CDH15: variants seen among roughly 807,000 people sequenced by gnomAD.
CDH15 encodes the protein cadherin-15.
CDH15 carries 73 observed loss-of-function variants against 69.4 expected under a neutral mutation model. The observed-to-expected ratio is 1.05, with a 90% CI of 0.87 to 1.28. CDH15 has a LOEUF of 1.28. Among genes scored for constraint, CDH15 ranks in the 50% most tolerant of loss-of-function variants. The probability of loss-of-function intolerance (pLI) is 0.00; values close to 1 mark genes in which losing one functional copy is unlikely to be tolerated. For missense variants in CDH15, 1,343 were observed against 1,133.6 expected, an observed-to-expected ratio of 1.18 and a Z score of -2.65; for synonymous variants, 624 against 507.7, an observed-to-expected ratio of 1.23 and a Z score of -3.08.
intron 1 of CDH15, among the ~76,000 whole-genome samples, chr16:89,179,003 C>T (rs769161618): frequency 3.9e-5 from 6 of 152,190 alleles, no homozygotes; most frequent in Admixed American, 2.0e-4. Flanking sequence ...GCACCTGGGG[C>T]GAGGCTGTGT....
intron 10 of CDH15, 136 bp downstream of exon 10, chr16:89,192,030 C>A (rs1385441143): frequency 1.7e-6 from 2 of 1,151,580 alleles, no homozygotes; most frequent in Non-Finnish European, 1.2e-6. Context: ...CGCCACCCCC[C>A]CCACCACTGC....
chr16:89,184,785 C>T (rs898677513), intron 4 of CDH15, among the ~76,000 whole-genome samples: 1 of 152,200 alleles, frequency 6.6e-6, no homozygotes, highest in African/African-American at 2.4e-5. Context: ...CTCCTGGAGG[C>T]CCCCGCTAGC....
Position 89,190,339 on chromosome 16 carries a change from C to G in CDH15, c.1075C>G (p.Gln359Glu), listed in dbSNP as rs199724844. ...GGCTGCCCTTAGGGCTGAGCGGGGC[C>G]AGGCCAAGGTCCGCGTGCATGTGCA... ...QAAALRAERG[Q>E]AKVRVHVQDT... is the part of the protein sequence containing the mutation. Residue 359 changes from glutamine to glutamate, a missense_variant, in exon 8 of 14, where the codon CAG becomes GAG. Coordinates refer to ENST00000289746, the MANE Select transcript of CDH15 (RefSeq NM_004933.3). 6.2e-7 allele frequency: 1 copy of G among 1,612,614 alleles called. No individual in the cohort carries two copies. The highest frequency in any genetic ancestry group is 8.5e-7 in the Non-Finnish European group (1 of 1,179,892).
chr16:89,187,313 C>A, intron 5 of CDH15, 116 bp from the exon 6 acceptor site: 1 of 1,253,644 alleles, frequency 8.0e-7, no homozygotes, highest in Non-Finnish European at 1.1e-6. Flanking sequence ...CTTCAACACC[C>A]ACTGGGTGCT....
chr16:89,171,749 C>A lies in CDH15; in HGVS notation c.-83C>A. On this transcript the variant is annotated 5_prime_UTR_variant, in exon 1 of 14. Coordinates refer to ENST00000289746, the MANE Select transcript of CDH15 (RefSeq NM_004933.3). ...TCTCTGTCTCTGGCCCTGGCCCGCC[C>A]CGCGCACTTGCGCTGTCACTCAGCC... 1.3e-5 allele frequency: 18 copies of A among 1,383,438 alleles called. No homozygotes were observed. The highest frequency in any genetic ancestry group is 1.7e-5 in the Non-Finnish European group (17 of 1,010,222). The allele number at this position is 1,383,438 out of a possible 1,614,324, so 85.7% of individuals were successfully genotyped here.
At chr16:89,178,371 AG>A (rs1915302274) in intron 1 of CDH15, among the ~76,000 whole-genome samples, 1 of 152,160 alleles carries the variant, frequency 6.6e-6, no homozygotes, top group Admixed American at 6.5e-5. Context: ...AGTGCGTCCC[AG>A]CCCCTGATGT....
In CDH15 at chr16:89,179,533, G is replaced by C. The variant is rs138572161; in HGVS notation, c.160G>C (p.Val54Leu). Residue 54 changes from valine (V) to leucine (L), a missense_variant, in exon 2 of 14, where the codon GTA becomes CTA. Val to Leu is a conservative substitution (Grantham distance 32). Transcript: ENST00000289746. ...GGCCTGGGTCATCCCCCCGATCAGC[G>C]TATCCGAGAACCACAAGCGTCTCCC... ...RRAWVIPPIS[V>L]SENHKRLPYP... 2 of 1,610,922 alleles carry C rather than the reference G, an allele frequency of 1.2e-6. No individual in the cohort carries two copies. The highest frequency in any genetic ancestry group is 4.5e-5 in the East Asian group (2 of 44,836).
intron 3 of CDH15, 154 bp from the exon 4 acceptor site, chr16:89,183,394 A>T: frequency 1.2e-6 from 1 of 823,058 alleles, no homozygotes; most frequent in Non-Finnish European, 1.9e-6. Context: ...AGTCACTGTG[A>T]CAGATGCCCC....
At chr16:89,177,265 T>A in intron 1 of CDH15, among the ~76,000 whole-genome samples, 1 of 152,044 alleles carries the variant, frequency 6.6e-6, no homozygotes, top group Non-Finnish European at 1.5e-5. Context: ...TCGCCAAGGC[T>A]GATTGGGGCT....
chr16:89,195,240 A>C lies in CDH15; in HGVS notation c.*85A>C. 2 of 1,376,242 alleles carry C rather than the reference A, an allele frequency of 1.5e-6. No homozygotes were observed. The highest frequency in any genetic ancestry group is 2.6e-4 in the Middle Eastern group (1 of 3,774). The allele number at this position is 1,376,242 out of a possible 1,614,324, so 85.3% of individuals were successfully genotyped here. A position where few individuals can be genotyped will look rare whatever the true frequency, so the allele number is the denominator to read the frequency against. On this transcript the variant is annotated 3_prime_UTR_variant, in exon 14 of 14. Transcript: ENST00000289746. ...AGGCAGCCTGAGGTCACCGGGCCCG[A>C]CCCCCCTGGGCCTGGGGCAGCCTCC... is the stretch of plus-strand genomic sequence containing the variant.
At position 89,191,658 on chromosome 16, in the gene CDH15, C is replaced by A; in HGVS notation, c.1379C>A (p.Ser460Tyr). The A allele has an allele frequency of 6.3e-7, 1 of 1,587,000 alleles. No homozygotes were observed. The highest frequency in any genetic ancestry group is 8.5e-7 in the Non-Finnish European group (1 of 1,171,790). The change falls in exon 10 of 14, where the codon TCC (serine) becomes TAC (tyrosine). Residue 460 changes from serine to tyrosine, a missense_variant. Physicochemically the swap from Ser to Tyr is moderately radical, Grantham distance 144. Transcript: ENST00000289746. ...GCCGCGGCCTCCTCGCCTGCAGCCT[C>A]CCAGCCCCGCACCGCCACCGGCACC... The part of the protein sequence containing the change: ...RAIVLAQDDA[S>Y]QPRTATGTLS...
intron 4 of CDH15, 90 bp downstream of exon 4, chr16:89,183,782 G>GC: frequency 7.4e-7 from 1 of 1,344,242 alleles, no homozygotes; most frequent in South Asian, 1.3e-5. Context: ...AATTCCAGAG[G>GC]CCCCTCAGAG....
In CDH15 at chr16:89,192,380, G is replaced by C. The variant is rs375071693; in HGVS notation, c.1791G>C (p.Ala597=). 3 of 1,536,622 alleles carry C rather than the reference G, an allele frequency of 2.0e-6. No individual in the cohort carries two copies. Among genetic ancestry groups the C allele is most frequent in the Non-Finnish European group, 2.6e-6 (3 of 1,147,648 alleles). The part of the protein sequence containing the change: ...VCLPGAAALL[A]GGTGLSLGAL... ...TGCCGGGGGCCGCAGCGCTGCTGGC[G>C]GGGGGCACAGGCCTCAGCCTGGGCG... is the stretch of plus-strand genomic sequence containing the variant. Residue 597 remains alanine, a synonymous_variant, in exon 11 of 14, where the codon GCG becomes GCC. Coordinates refer to ENST00000289746, the MANE Select transcript of CDH15 (RefSeq NM_004933.3).
At chr16:89,174,366 C>G (rs953787612) in intron 1 of CDH15, among the ~76,000 whole-genome samples, 15 of 152,324 alleles carry the variant, frequency 9.8e-5, no homozygotes, top group African/African-American at 3.6e-4. Context: ...AACCCACCCA[C>G]ACGCCACCAA....
At chr16:89,185,721 C>G (rs1178581676) in intron 5 of CDH15, 2 of 335,536 alleles carry the variant, frequency 6.0e-6, no homozygotes, top group South Asian at 5.4e-5. Context: ...GAGTCAGCTC[C>G]TCTAGGAAGC....
At chr16:89,183,246 A>G in intron 3 of CDH15, 1 of 353,774 alleles carries the variant, frequency 2.8e-6, no homozygotes, top group Non-Finnish European at 5.2e-6. Flanking sequence ...AGAGACAGGG[A>G]GAGAGATTAG....
At position 89,180,273 on chromosome 16, in the gene CDH15, G is replaced by T. The variant is rs144248923; in HGVS notation, c.275G>T (p.Arg92Leu). Residue 92 changes from arginine (R) to leucine (L), a missense_variant, in exon 3 of 14, where the codon CGG (arginine) becomes CTG (leucine). Arg to Leu is a moderately radical substitution (Grantham distance 102). Coordinates refer to ENST00000289746, the MANE Select transcript of CDH15 (RefSeq NM_004933.3). ...IQGPGVDEEPRGVFSIDKFTG... is the reference protein window; with the variant it reads ...IQGPGVDEEPLGVFSIDKFTG... ...GGACCCGGCGTGGATGAGGAGCCCC[G>T]GGGCGTCTTCTCTATCGACAAGTTC... 40 of 1,610,000 alleles carry T rather than the reference G, an allele frequency of 2.5e-5. No individual in the cohort carries two copies. The East Asian group carries it at 8.3e-4, about 33-fold the overall frequency.
chr16:89,175,270 G>T (rs538781739), intron 1 of CDH15, among the ~76,000 whole-genome samples: 1 of 152,338 alleles, frequency 6.6e-6, no homozygotes, highest in African/African-American at 2.4e-5. Flanking sequence ...GCAGGGAGGG[G>T]ATGGAAACGT....
chr16:89,184,346 G>C (rs939418499), intron 4 of CDH15, among the ~76,000 whole-genome samples: 10 of 152,190 alleles, frequency 6.6e-5, no homozygotes, highest in African/African-American at 2.2e-4. Flanking sequence ...TGCTCCCCAG[G>C]GTGGCCCAAA....
Sources: gnomAD v4.1 joint callset for allele counts (sites outside exome capture counted in the v4.1 genomes callset) on GRCh38, gnomAD v4.1.1 for gene constraint, MANE v1.5 for transcripts, NCBI Gene and HGNC (gene_info 2026-07-23, HGNC 2026-07-21) for gene names.